The following IPO11 variants were observed in gnomAD, a reference collection of about 807,000 sequenced individuals.
IPO11 encodes importin-11.
In IPO11, 66 loss-of-function variants were observed where a neutral mutation model predicts 143.2. The ratio of observed to expected loss-of-function variants is 0.46; its 90% CI spans 0.38 to 0.57. The LOEUF (loss-of-function observed/expected upper bound fraction) is 0.57. Ranked by LOEUF, IPO11 falls within the 20% of genes least tolerant of loss-of-function variation. The pLI is 0.00. For synonymous variants in IPO11, 385 were observed against 377.8 expected, an observed-to-expected ratio of 1.02 and a Z score of -0.22; for missense variants, 1,026 against 1,141.0, an observed-to-expected ratio of 0.90 and a Z score of 1.45.
intron 29 of IPO11, among the ~76,000 whole-genome samples, chr5:62,618,805 G>A (rs1046759628): frequency 2.2e-4 from 34 of 152,094 alleles, no homozygotes; most frequent in African/African-American, 8.2e-4. Flanking sequence ...CACCTAGTCG[G>A]GAGGCTGTTT....
At chr5:62,486,025 A>G (rs1276963536) in intron 12 of IPO11, among the ~76,000 whole-genome samples, 2 of 139,458 alleles carry the variant, frequency 1.4e-5, no homozygotes, top group East Asian at 4.1e-4. Flanking sequence ...TCTGTTGCCC[A>G]GGCTGGAGTG....
At chr5:62,514,375 C>T (rs1244465515) in intron 19 of IPO11, among the ~76,000 whole-genome samples, 6 of 152,004 alleles carry the variant, frequency 3.9e-5, no homozygotes, top group Admixed American at 6.5e-5. Flanking sequence ...GGAACACTCG[C>T]GGCTAGGAGC....
chr5:62,610,086 G>A (rs1044075722), intron 29 of IPO11, among the ~76,000 whole-genome samples: 2 of 152,144 alleles, frequency 1.3e-5, no homozygotes, highest in African/African-American at 4.8e-5. Context: ...GGCTGCCTCT[G>A]GCCCACCAAA....
intron 29 of IPO11, among the ~76,000 whole-genome samples, chr5:62,614,534 C>T (rs554471691): frequency 6.6e-6 from 1 of 152,316 alleles, no homozygotes; most frequent in Non-Finnish European, 1.5e-5. Flanking sequence ...ACCCGCCCCC[C>T]CTCACCCCGC....
At chr5:62,499,568 A>AG (rs1741275701) in intron 16 of IPO11, among the ~76,000 whole-genome samples, 1 of 125,096 alleles carries the variant, frequency 8.0e-6, no homozygotes, top group Non-Finnish European at 1.7e-5. Flanking sequence ...TCTTACTCTA[A>AG]CTTTTTTTTT....
chr5:62,463,422 GGGAGGCTGAGGCA>G (rs1325647303), intron 5 of IPO11, among the ~76,000 whole-genome samples: 6 of 151,988 alleles, frequency 3.9e-5, no homozygotes, highest in African/African-American at 1.2e-4. Flanking sequence ...CCAGCACTTT[GGGAGGCTGAGGCA>G]GGAGGATCAC....
At chr5:62,626,484 A>G (rs139013148) in intron 29 of IPO11, among the ~76,000 whole-genome samples, 19 of 152,248 alleles carry the variant, frequency 1.2e-4, no homozygotes, top group Non-Finnish European at 2.5e-4. Context: ...CACACATTGC[A>G]CTTAGCCTGG....
chr5:62,435,529 G>T (rs1455213642), intron 1 of IPO11, among the ~76,000 whole-genome samples: 1 of 151,984 alleles, frequency 6.6e-6, no homozygotes. Flanking sequence ...GATCGCGGCT[G>T]CCGTGAGCAG....
At position 62,480,906 on chromosome 5, in the gene IPO11, A is replaced by ATTTT. The variant is rs34947365; in HGVS notation, c.829-2172_829-2169dup. Among the ~76,000 whole-genome samples the ATTTT allele has an allele frequency of 5.2e-4, 44 of 84,974 alleles. 3 individuals carry two copies. Among genetic ancestry groups the ATTTT allele is most frequent in the African/African-American group, 1.2e-3 (24 of 19,898 alleles). 55.7% of individuals were successfully genotyped at this position (84,974 alleles called of 152,430 possible). A position where few individuals can be genotyped will look rare whatever the true frequency, so the allele number is the denominator to read the frequency against. ...CAGGGACAATTTGACTTCCTCTTTC[A>ATTTT]TTTTTTTTTTTTTTTTTTTTTTTTT... On this transcript the variant is annotated intron_variant, in intron 9 of 29. Coordinates refer to ENST00000325324, the MANE Select transcript of IPO11 (RefSeq NM_016338.5).
intron 27 of IPO11, among the ~76,000 whole-genome samples, chr5:62,562,772 C>A (rs966574012): frequency 6.6e-6 from 1 of 152,154 alleles, no homozygotes; most frequent in Non-Finnish European, 1.5e-5. Flanking sequence ...TTATTTACTT[C>A]TACTATGGTA....
At chr5:62,502,214 T>C (rs1016391817) in intron 16 of IPO11, among the ~76,000 whole-genome samples, 3 of 152,228 alleles carry the variant, frequency 2.0e-5, no homozygotes, top group African/African-American at 7.2e-5. Context: ...CAATTTGGAA[T>C]TGCCTGTTAT....
intron 24 of IPO11, among the ~76,000 whole-genome samples, chr5:62,538,328 A>T (rs1480997007): frequency 1.3e-5 from 2 of 152,222 alleles, no homozygotes; most frequent in African/African-American, 4.8e-5. Flanking sequence ...GTCTTACTTC[A>T]TAACTGATAT....
rs1381561220 is a variant in IPO11 at position 62,476,704 on chromosome 5, ATGTG to A, written c.783_786del (p.Cys262GlufsTer29). Reference sequence around the variant, plus strand: ...ACAGGTAGAAGTATAGGTACAGATAATGTGTGTAGAGATAGACTGGAAAAGACCA... The same window carrying A: ...ACAGGTAGAAGTATAGGTACAGATAATGTAGAGATAGACTGGAAAAGACCA... On this transcript the variant is annotated frameshift_variant, in exon 9 of 30. Transcript: ENST00000325324. LOFTEE classifies it high-confidence loss of function. The A allele has an allele frequency of 6.6e-7, 1 of 1,521,050 alleles. No homozygotes were observed. The highest frequency in any genetic ancestry group is 8.8e-7 in the Non-Finnish European group (1 of 1,132,708). 94.2% of individuals were successfully genotyped at this position (1,521,050 alleles called of 1,614,324 possible).
intron 29 of IPO11, among the ~76,000 whole-genome samples, chr5:62,605,724 A>ATTATTG (rs1302549927): frequency 3.3e-5 from 5 of 149,836 alleles, no homozygotes; most frequent in Non-Finnish European, 5.9e-5. Flanking sequence ...TATTATTATT[A>ATTATTG]TTATTATTAT....
chr5:62,525,554 T>C (rs142742512), intron 20 of IPO11, among the ~76,000 whole-genome samples: 2 of 152,266 alleles, frequency 1.3e-5, no homozygotes, highest in East Asian at 3.9e-4. Flanking sequence ...TGGCTAACTT[T>C]TAAATGTTTT....
At chr5:62,472,066 C>T (rs562632614) in intron 7 of IPO11, among the ~76,000 whole-genome samples, 1 of 152,210 alleles carries the variant, frequency 6.6e-6, no homozygotes, top group African/African-American at 2.4e-5. Context: ...AACTTGACAA[C>T]TCCTTTTCAA....
intron 28 of IPO11, among the ~76,000 whole-genome samples, chr5:62,592,773 A>G (rs549150927): frequency 4.6e-5 from 7 of 152,260 alleles, no homozygotes; most frequent in East Asian, 3.9e-4. Flanking sequence ...AAAACCCCTT[A>G]TGAAACCATC....
chr5:62,475,110 G>A (rs984951750), intron 8 of IPO11, among the ~76,000 whole-genome samples: 1 of 152,080 alleles, frequency 6.6e-6, no homozygotes, highest in Non-Finnish European at 1.5e-5. Context: ...AATTTGCCTT[G>A]TTGCCAGGCT....
chr5:62,550,991 A>G (rs1046914161), intron 25 of IPO11, among the ~76,000 whole-genome samples: 1 of 146,796 alleles, frequency 6.8e-6, no homozygotes, highest in African/African-American at 2.5e-5. Context: ...AATATATGAA[A>G]TTGATAAATA....
Sources: allele counts gnomAD v4.1 joint callset (sites outside exome capture counted in the v4.1 genomes callset), GRCh38; gene constraint gnomAD v4.1.1; transcripts MANE v1.5; gene names NCBI Gene and HGNC (gene_info 2026-07-23, HGNC 2026-07-21).